CLEC6A: variants seen among roughly 807,000 people sequenced by gnomAD.
CLEC6A encodes the protein C-type lectin domain containing 6A, also known as C-type lectin domain family 6 member A.
Under a neutral mutation model 25.7 loss-of-function variants are expected in CLEC6A, and 22 were observed. The ratio of observed to expected loss-of-function variants is 0.85; its 90% CI spans 0.61 to 1.22. The LOEUF is 1.22. Among genes scored for constraint, CLEC6A ranks in the 50% most tolerant of loss-of-function variants. The pLI, the probability that CLEC6A is intolerant of heterozygous loss-of-function variation, is 0.00. For missense variants in CLEC6A, 240 were observed against 236.8 expected, an observed-to-expected ratio of 1.01 and a Z score of -0.09; for synonymous variants, 92 against 76.7, an observed-to-expected ratio of 1.20 and a Z score of -1.04.
chr12:8,460,772 G>A (rs1219301959), intron 3 of CLEC6A: 9 of 1,393,952 alleles, frequency 6.5e-6, no homozygotes, highest in African/African-American at 1.4e-5. Flanking sequence ...GGCCGACTGG[G>A]CTACAAGGCC....
intron 5 of CLEC6A, 32 bp from the exon 6 acceptor site, chr12:8,477,288 A>T (rs765651009): frequency 6.4e-7 from 1 of 1,572,170 alleles, no homozygotes; most frequent in Non-Finnish European, 8.6e-7. Context: ...GCATTCTTTG[A>T]AGATGTGTAC....
chr12:8,459,317 G>T (rs752288693), intron 2 of CLEC6A, among the ~76,000 whole-genome samples: 1 of 152,070 alleles, frequency 6.6e-6, no homozygotes, highest in Admixed American at 6.6e-5. Flanking sequence ...CCTTTAAGTT[G>T]TGTTTGTGAT....
intron 1 of CLEC6A, among the ~76,000 whole-genome samples, chr12:8,457,178 C>T (rs4640002): frequency 0.74 from 111,991 of 151,920 alleles, 41,988 homozygotes; most frequent in East Asian, 0.99. Flanking sequence ...TTTCTTCTAG[C>T]TAATTGTATT....
intron 5 of CLEC6A, among the ~76,000 whole-genome samples, chr12:8,476,457 A>G (rs770575769): frequency 2.0e-5 from 3 of 152,286 alleles, no homozygotes; most frequent in African/African-American, 7.2e-5. Flanking sequence ...CCAAATCAAT[A>G]AACTAATAAG....
At chr12:8,477,007 T>C (rs1939983391) in intron 5 of CLEC6A, among the ~76,000 whole-genome samples, 1 of 152,078 alleles carries the variant, frequency 6.6e-6, no homozygotes, top group African/African-American at 2.4e-5. Context: ...GCCTCTTTAT[T>C]TCATGTCAGT....
intron 4 of CLEC6A, among the ~76,000 whole-genome samples, chr12:8,469,857 T>C (rs182554106): frequency 2.1e-3 from 324 of 152,258 alleles, no homozygotes; most frequent in Admixed American, 8.8e-3. Flanking sequence ...GAAAAACCCT[T>C]CTAGACATTG....
At chr12:8,458,557 A>G (rs1187392125) in intron 2 of CLEC6A, among the ~76,000 whole-genome samples, 1 of 152,184 alleles carries the variant, frequency 6.6e-6, no homozygotes, top group Non-Finnish European at 1.5e-5. Flanking sequence ...ATTTCTATTC[A>G]TTGATAAGGT....
At chr12:8,461,277 A>AC in intron 3 of CLEC6A, 1 of 580,988 alleles carries the variant, frequency 1.7e-6, no homozygotes, top group South Asian at 2.1e-5. Flanking sequence ...GCAATTTAGG[A>AC]CAGTCAAAAA....
chr12:8,467,726 C>T (rs746062955), intron 4 of CLEC6A, among the ~76,000 whole-genome samples: 170 of 152,256 alleles, frequency 1.1e-3, no homozygotes, highest in Non-Finnish European at 1.9e-3. Context: ...CAAAAAATAA[C>T]ATTGGGATTT....
At chr12:8,472,797 G>A (rs1031111739) in intron 4 of CLEC6A, among the ~76,000 whole-genome samples, 2 of 152,056 alleles carry the variant, frequency 1.3e-5, no homozygotes, top group African/African-American at 2.4e-5. Flanking sequence ...GTTCATGTTT[G>A]TTATATGGGT....
chr12:8,477,388 C>G lies in CLEC6A; in HGVS notation c.554C>G (p.Thr185Arg). Residue 185 changes from threonine to arginine, a missense_variant, in exon 6 of 6, where the codon ACA becomes AGA. Coordinates refer to ENST00000382073, the MANE Select transcript of CLEC6A (RefSeq NM_001007033.2). ...QCASIVFWKP[T>R]GWGWNDVICE... is the part of the protein sequence containing the mutation. ...GCTTCAATAGTCTTCTGGAAACCTA[C>G]AGGATGGGGCTGGAATGATGTTATC... 1 of 1,612,242 alleles carries G rather than the reference C, an allele frequency of 6.2e-7. No individual in the cohort carries two copies. Among genetic ancestry groups the G allele is most frequent in the Non-Finnish European group, 8.5e-7 (1 of 1,178,668 alleles).
At position 8,465,634 on chromosome 12, in the gene CLEC6A, T is replaced by A. The variant is rs764066877; in HGVS notation, c.369+5T>A. The A allele has an allele frequency of 1.9e-6, 3 of 1,597,420 alleles. No homozygotes were observed. Among genetic ancestry groups the A allele is most frequent in the East Asian group, 2.2e-5 (1 of 44,724 alleles). ...TTCAACACAGAAGCAGAGCAGGTACTGTTTCCATTTAAAATTTATTTAATT... is the reference window on the plus strand; with the variant it reads ...TTCAACACAGAAGCAGAGCAGGTACAGTTTCCATTTAAAATTTATTTAATT... On this transcript the variant is annotated splice_donor_5th_base_variant and intron_variant, in intron 4 of 5. Transcript: ENST00000382073.
chr12:8,462,231 G>C (rs927149586), intron 3 of CLEC6A, among the ~76,000 whole-genome samples: 2 of 149,798 alleles, frequency 1.3e-5, no homozygotes, highest in Non-Finnish European at 3.0e-5. Flanking sequence ...ACTGCGGAAG[G>C]CCGCAGGGAC....
chr12:8,469,350 C>T (rs1939875327), intron 4 of CLEC6A, among the ~76,000 whole-genome samples: 1 of 151,872 alleles, frequency 6.6e-6, no homozygotes, highest in African/African-American at 2.4e-5. Flanking sequence ...GTTAAAATGA[C>T]CATATTGCCA....
intron 4 of CLEC6A, 88 bp downstream of exon 4, chr12:8,465,717 C>A: frequency 9.0e-7 from 1 of 1,112,782 alleles, no homozygotes; most frequent in Non-Finnish European, 1.2e-6. Flanking sequence ...GTGTACTGTT[C>A]AGTAGCATTT....
chr12:8,477,256 A>G (rs1939987672), intron 5 of CLEC6A, 64 bp from the exon 6 acceptor site: 16 of 1,375,076 alleles, frequency 1.2e-5, no homozygotes, highest in Non-Finnish European at 1.6e-5. Flanking sequence ...CCAGACTTTT[A>G]TACTTTCTAA....
chr12:8,461,705 ATTTCCAT>A (rs1170719883), intron 3 of CLEC6A, among the ~76,000 whole-genome samples: 2 of 152,220 alleles, frequency 1.3e-5, no homozygotes, highest in African/African-American at 2.4e-5. Flanking sequence ...CATACACAAA[ATTTCCAT>A]TTTGATTAAC....
chr12:8,473,281 ACC>A lies in CLEC6A; in HGVS notation c.370-2843_370-2842del, dbSNP rs1939929681. 2.4e-4 allele frequency among the ~76,000 whole-genome samples: 2 copies of A among 8,222 alleles called. 1 individual carries two copies. Among genetic ancestry groups the A allele is most frequent in the Non-Finnish European group, 8.1e-4 (2 of 2,456 alleles). 5.4% of individuals were successfully genotyped at this position (8,222 alleles called of 152,430 possible). A position where few individuals can be genotyped will look rare whatever the true frequency, so the allele number is the denominator to read the frequency against. On this transcript the variant is annotated intron_variant, in intron 4 of 5. Coordinates refer to ENST00000382073, the MANE Select transcript of CLEC6A (RefSeq NM_001007033.2). The stretch of plus-strand genomic sequence containing the variant: ...AGTGCTGGGATTACAGGCGTGAGCC[ACC>A]GCGCCCGGCCAGCTCCTACTTCTTA...
At chr12:8,466,532 T>C (rs1359791179) in intron 4 of CLEC6A, among the ~76,000 whole-genome samples, 6 of 152,242 alleles carry the variant, frequency 3.9e-5, no homozygotes, top group African/African-American at 1.4e-4. Context: ...CTTCACATTC[T>C]GGTCAACACT....
Sources: gnomAD v4.1 joint callset for allele counts (sites outside exome capture counted in the v4.1 genomes callset) on GRCh38, gnomAD v4.1.1 for gene constraint, MANE v1.5 for transcripts, NCBI Gene and HGNC (gene_info 2026-07-23, HGNC 2026-07-21) for gene names.